Variants in MYO10 observed in about 807,000 individuals in gnomAD.
MYO10 encodes unconventional myosin-X.
MYO10 carries 133 observed loss-of-function variants against 257.3 expected under a neutral mutation model. The observed-to-expected ratio is 0.52, with a 90% CI of 0.45 to 0.60. MYO10 has a LOEUF of 0.60. Among genes scored for constraint, MYO10 ranks in the 20% least tolerant of loss-of-function variants. The probability of loss-of-function intolerance (pLI) is 0.00; values close to 1 mark genes in which losing one functional copy is unlikely to be tolerated. For missense variants in MYO10, 2,399 were observed against 2,635.7 expected, an observed-to-expected ratio of 0.91 and a Z score of 1.97; for synonymous variants, 1,104 against 1,028.6, an observed-to-expected ratio of 1.07 and a Z score of -1.40.
In MYO10 at chr5:16,823,467, G is replaced by GGTTTTTTTTTT. The variant is rs1561003861; in HGVS notation, c.121-5301_121-5300insAAAAAAAAAAC. ...CTTGCGCGGGGGGGGGGGGAGTGGG[G>GGTTTTTTTTTT]ATTTTTTTTTTTTTTTTTTTGTGAG... On this transcript the variant is annotated intron_variant, in intron 2 of 40. Transcript: ENST00000513610. Among the ~76,000 whole-genome samples, 9 of 3,984 alleles carry GGTTTTTTTTTT rather than the reference G, an allele frequency of 2.3e-3. 1 individual carries two copies. Among genetic ancestry groups the GGTTTTTTTTTT allele is most frequent in the Non-Finnish European group, 3.5e-3 (6 of 1,738 alleles). The allele number at this position is 3,984 out of a possible 152,430, so 2.6% of individuals were successfully genotyped here.
At chr5:16,878,503 T>C (rs534960373) in intron 1 of MYO10, among the ~76,000 whole-genome samples, 25 of 152,184 alleles carry the variant, frequency 1.6e-4, no homozygotes, top group Non-Finnish European at 3.5e-4. Context: ...ACTGGACAAA[T>C]GAAATATCAT....
chr5:16,678,267 G>A (rs1035166454), intron 33 of MYO10, among the ~76,000 whole-genome samples: 1 of 152,140 alleles, frequency 6.6e-6, no homozygotes, highest in Non-Finnish European at 1.5e-5. Context: ...ACCTGAATCT[G>A]GTTCCAACTG....
chr5:16,797,005 G>C (rs1484685940), intron 3 of MYO10, among the ~76,000 whole-genome samples: 17 of 151,924 alleles, frequency 1.1e-4, no homozygotes. Flanking sequence ...AAGAAAACTA[G>C]ACAGAAAGTC....
chr5:16,735,743 G>C (rs538222097), intron 19 of MYO10, among the ~76,000 whole-genome samples: 2 of 150,948 alleles, frequency 1.3e-5, no homozygotes, highest in East Asian at 3.9e-4. Context: ...ATTACACACT[G>C]GCAGACACTC....
At chr5:16,814,243 G>A (rs866573740) in intron 3 of MYO10, among the ~76,000 whole-genome samples, 3 of 152,128 alleles carry the variant, frequency 2.0e-5, no homozygotes, top group Non-Finnish European at 4.4e-5. Flanking sequence ...CCGGGTTCAC[G>A]CCATTTTCCT....
At chr5:16,792,854 T>C (rs1377686672) in intron 4 of MYO10, among the ~76,000 whole-genome samples, 1 of 152,152 alleles carries the variant, frequency 6.6e-6, no homozygotes, top group Non-Finnish European at 1.5e-5. Flanking sequence ...GAGAGGGGTC[T>C]TTTTAGTGTC....
At chr5:16,866,472 T>C (rs545477946) in intron 2 of MYO10, among the ~76,000 whole-genome samples, 1 of 152,280 alleles carries the variant, frequency 6.6e-6, no homozygotes, top group Admixed American at 6.5e-5. Context: ...CCATATGTGA[T>C]TGCCGATCTC....
chr5:16,699,335 C>T (rs1737914922), intron 26 of MYO10, 115 bp downstream of exon 26: 5 of 1,345,488 alleles, frequency 3.7e-6, no homozygotes, highest in Non-Finnish European at 5.0e-6. Context: ...CAGTCCCCAT[C>T]CATCAGCCCA....
chr5:16,740,128 A>C (rs1739963771), intron 19 of MYO10, among the ~76,000 whole-genome samples: 1 of 152,146 alleles, frequency 6.6e-6, no homozygotes. Context: ...TGAGAACCGC[A>C]GTCCACCCCT....
In MYO10 at chr5:16,794,387, A is replaced by ATT. The variant is rs1560988185; in HGVS notation, c.467+258_467+259insAA. 5.0e-3 allele frequency among the ~76,000 whole-genome samples: 718 copies of ATT among 143,844 alleles called. 3 individuals are homozygous for ATT. The highest frequency in any genetic ancestry group is 0.014 in the East Asian group (68 of 4,952). The allele number at this position is 143,844 out of a possible 152,430, so 94.4% of individuals were successfully genotyped here. ...TAAGGCAAATAAATGTTGCTTTAAAAAAAAAAAAAAAAAAAAGGAACAGAA... is the reference window on the plus strand; with the variant it reads ...TAAGGCAAATAAATGTTGCTTTAAAATTAAAAAAAAAAAAAAAAGGAACAGAA... On this transcript the variant is annotated intron_variant, in intron 4 of 40. Coordinates refer to ENST00000513610, the MANE Select transcript of MYO10 (RefSeq NM_012334.3).
intron 9 of MYO10, among the ~76,000 whole-genome samples, chr5:16,772,898 T>C (rs1421240633): frequency 6.6e-6 from 1 of 152,166 alleles, no homozygotes; most frequent in African/African-American, 2.4e-5. Flanking sequence ...AGATCAGTAG[T>C]TTCCTAGGGC....
chr5:16,834,321 G>A (rs748563781), intron 2 of MYO10, among the ~76,000 whole-genome samples: 5 of 152,106 alleles, frequency 3.3e-5, no homozygotes, highest in African/African-American at 4.8e-5. Context: ...CTCATATGCC[G>A]AAGTGGCTGA....
At chr5:16,884,999 A>C (rs1580113773) in intron 1 of MYO10, among the ~76,000 whole-genome samples, 1 of 152,292 alleles carries the variant, frequency 6.6e-6, no homozygotes, top group Middle Eastern at 3.4e-3. Context: ...AACTTCAAAA[A>C]TCCCAACAGA....
At chr5:16,911,690 C>A (rs1745660736) in intron 1 of MYO10, among the ~76,000 whole-genome samples, 1 of 152,030 alleles carries the variant, frequency 6.6e-6, no homozygotes, top group Non-Finnish European at 1.5e-5. Context: ...CGAGATCGCA[C>A]CACTGCACTC....
intron 19 of MYO10, among the ~76,000 whole-genome samples, chr5:16,722,941 TCAAAAATTTA>T (rs1187538198): frequency 6.6e-6 from 1 of 152,156 alleles, no homozygotes; most frequent in Non-Finnish European, 1.5e-5. Flanking sequence ...AAAGACTGTA[TCAAAAATTTA>T]CAAAGAACAC....
intron 28 of MYO10, among the ~76,000 whole-genome samples, chr5:16,688,153 C>G (rs549475725): frequency 6.6e-6 from 1 of 152,182 alleles, no homozygotes; most frequent in Non-Finnish European, 1.5e-5. Flanking sequence ...CACAAACAAC[C>G]ACATGTGGTC....
intron 2 of MYO10, among the ~76,000 whole-genome samples, chr5:16,860,110 C>T (rs185188362): frequency 5.0e-4 from 76 of 152,222 alleles, no homozygotes; most frequent in Admixed American, 1.7e-3. Flanking sequence ...TAACTCACAA[C>T]GTGGAAGAAG....
chr5:16,697,029 TC>T (rs1293637764), intron 26 of MYO10, among the ~76,000 whole-genome samples: 2 of 143,212 alleles, frequency 1.4e-5, no homozygotes, highest in Non-Finnish European at 3.1e-5. Flanking sequence ...ACTTATTGGA[TC>T]AAAGGTTCTG....
intron 1 of MYO10, among the ~76,000 whole-genome samples, chr5:16,933,591 C>T (rs1234332394): frequency 6.6e-6 from 1 of 152,152 alleles, no homozygotes; most frequent in Non-Finnish European, 1.5e-5. Context: ...TTTAGCTGTC[C>T]TTGGGGAATA....
Sources: gnomAD v4.1 joint callset for allele counts (sites outside exome capture counted in the v4.1 genomes callset) on GRCh38, gnomAD v4.1.1 for gene constraint, MANE v1.5 for transcripts, NCBI Gene and HGNC (gene_info 2026-07-23, HGNC 2026-07-21) for gene names.